Variants in MGMT observed in about 807,000 individuals in gnomAD.
MGMT encodes O-6-methylguanine-DNA methyltransferase.
Under a neutral mutation model 15.9 loss-of-function variants are expected in MGMT, and 14 were observed. The ratio of observed to expected loss-of-function variants is 0.88; its 90% CI spans 0.58 to 1.37. The LOEUF is 1.37. Ranked by LOEUF, MGMT falls within the 40% of genes most tolerant of loss-of-function variation. The pLI is 0.00. For synonymous variants in MGMT, 130 were observed against 118.2 expected, an observed-to-expected ratio of 1.10 and a Z score of -0.65; for missense variants, 282 against 268.1, an observed-to-expected ratio of 1.05 and a Z score of -0.36.
At chr10:129,703,533 C>G (rs56703489) in intron 2 of MGMT, among the ~76,000 whole-genome samples, 9,433 of 152,224 alleles carry the variant, frequency 0.062, 773 homozygotes, top group African/African-American at 0.19. Context: ...GATGGCCAGC[C>G]AGACCCCGCT....
intron 1 of MGMT, among the ~76,000 whole-genome samples, chr10:129,522,167 G>A (rs1019912931): frequency 7.2e-5 from 11 of 152,220 alleles, no homozygotes; most frequent in Non-Finnish European, 7.3e-5. Flanking sequence ...GGAGGTCACC[G>A]GAAATAGCTC....
chr10:129,616,284 C>T (rs1002145933), intron 2 of MGMT, among the ~76,000 whole-genome samples: 1 of 152,224 alleles, frequency 6.6e-6, no homozygotes, highest in Non-Finnish European at 1.5e-5. Flanking sequence ...CTCAGGGGAG[C>T]TGCGATGCTC....
intron 2 of MGMT, among the ~76,000 whole-genome samples, chr10:129,569,373 G>A (rs914126663): frequency 2.0e-5 from 3 of 152,178 alleles, no homozygotes; most frequent in African/African-American, 7.2e-5. Context: ...TGGCTCAGGC[G>A]AATCCAGCAC....
chr10:129,507,355 C>T (rs12249421), intron 1 of MGMT, among the ~76,000 whole-genome samples: 3 of 152,080 alleles, frequency 2.0e-5, no homozygotes, highest in Non-Finnish European at 2.9e-5. Context: ...CTGGAGACAT[C>T]GCAGTGGTCT....
chr10:129,677,742 C>G (rs537143702), intron 2 of MGMT, among the ~76,000 whole-genome samples: 7 of 152,296 alleles, frequency 4.6e-5, no homozygotes, highest in South Asian at 2.1e-4. Flanking sequence ...GACTGCCCCC[C>G]ACAAAGCCCT....
chr10:129,747,359 T>C (rs564883731), intron 3 of MGMT, among the ~76,000 whole-genome samples: 9 of 152,222 alleles, frequency 5.9e-5, no homozygotes, highest in Non-Finnish European at 1.2e-4. Context: ...TTGAGGATGT[T>C]ACCTTCTGTT....
Position 129,658,808 on chromosome 10 carries a change from T to C in MGMT, c.126-49087T>C, listed in dbSNP as rs535582825. ...ACATCCTGAAGCCTAGATGGCCCCT[T>C]CCTCAGTGTCCTTAACTGCTGTTCT... On this transcript the variant is annotated intron_variant, in intron 2 of 4. Coordinates refer to ENST00000651593, the MANE Select transcript of MGMT (RefSeq NM_002412.5). Among the ~76,000 whole-genome samples the C allele has an allele frequency of 2.0e-4, 30 of 152,348 alleles. 1 individual carries two copies. Among genetic ancestry groups the C allele is most frequent in the African/African-American group, 7.2e-4 (30 of 41,586 alleles).
At chr10:129,682,618 AAAAT>A (rs1252168897) in intron 2 of MGMT, among the ~76,000 whole-genome samples, 1 of 152,174 alleles carries the variant, frequency 6.6e-6, no homozygotes, top group Non-Finnish European at 1.5e-5. Context: ...AAGTCCATTA[AAAAT>A]AAAAATACAT....
intron 1 of MGMT, 175 bp downstream of exon 1, chr10:129,467,471 C>T (rs1845181639): frequency 1.0e-6 from 1 of 970,408 alleles, no homozygotes; most frequent in Non-Finnish European, 1.2e-6. Context: ...CAGGTGTTGC[C>T]CAGCCTTTCC....
intron 3 of MGMT, among the ~76,000 whole-genome samples, chr10:129,756,877 T>A (rs11593181): frequency 0.11 from 16,228 of 152,240 alleles, 966 homozygotes; most frequent in Middle Eastern, 0.17. Context: ...ATTTTCCACA[T>A]GAGTTAATGT....
intron 4 of MGMT, among the ~76,000 whole-genome samples, chr10:129,764,913 A>G (rs1473075122): frequency 6.6e-6 from 1 of 152,114 alleles, no homozygotes; most frequent in Non-Finnish European, 1.5e-5. Flanking sequence ...GCTGCCCTCC[A>G]GCTCAGGAGG....
chr10:129,510,806 A>T (rs1845673545), intron 1 of MGMT, among the ~76,000 whole-genome samples: 1 of 151,720 alleles, frequency 6.6e-6, no homozygotes, highest in South Asian at 2.1e-4. Context: ...GCTTCCTGTG[A>T]TGGGAACCCG....
At chr10:129,588,936 G>A (rs1230207755) in intron 2 of MGMT, among the ~76,000 whole-genome samples, 1 of 152,262 alleles carries the variant, frequency 6.6e-6, no homozygotes, top group Admixed American at 6.5e-5. Context: ...CCCCTCAGGG[G>A]GAGGGAAGCT....
chr10:129,650,264 C>T (rs78221334), intron 2 of MGMT, among the ~76,000 whole-genome samples: 7,123 of 152,062 alleles, frequency 0.047, 195 homozygotes, highest in Middle Eastern at 0.082. Flanking sequence ...TTTGCACGTT[C>T]GTAATTGTGA....
intron 2 of MGMT, among the ~76,000 whole-genome samples, chr10:129,665,055 T>TA (rs1847641367): frequency 6.6e-6 from 1 of 152,024 alleles, no homozygotes; most frequent in Non-Finnish European, 1.5e-5. Context: ...AACATACACT[T>TA]ACCATATGGC....
chr10:129,519,965 T>C (rs2119720605), intron 1 of MGMT, among the ~76,000 whole-genome samples: 1 of 152,198 alleles, frequency 6.6e-6, no homozygotes, highest in East Asian at 1.9e-4. Context: ...AGCCAGAAGT[T>C]TGAGTTCAGC....
In MGMT at chr10:129,539,706, C is replaced by T. The variant is rs142203639; in HGVS notation, c.125+3329C>T. On this transcript the variant is annotated intron_variant, in intron 2 of 4. Coordinates refer to ENST00000651593, the MANE Select transcript of MGMT (RefSeq NM_002412.5). ...TATATTTAGTAGAGACAGGGTTTCA[C>T]TGTGTTAGCCAGGATGGTCTCCATC... is the stretch of plus-strand genomic sequence containing the variant. Among the ~76,000 whole-genome samples, 916 of 152,236 alleles carry T rather than the reference C, an allele frequency of 6.0e-3. 5 individuals carry two copies. Among genetic ancestry groups the T allele is most frequent in the Non-Finnish European group, 9.1e-3 (621 of 68,014 alleles).
intron 2 of MGMT, among the ~76,000 whole-genome samples, chr10:129,546,037 A>G (rs923510579): frequency 2.6e-5 from 4 of 152,390 alleles, no homozygotes; most frequent in Middle Eastern, 6.8e-3. Flanking sequence ...CAGTTGCTGT[A>G]CAAGTGACGG....
intron 2 of MGMT, among the ~76,000 whole-genome samples, chr10:129,616,959 C>T (rs1201929489): frequency 6.6e-6 from 1 of 152,166 alleles, no homozygotes; most frequent in Non-Finnish European, 1.5e-5. Context: ...GTCAACCATG[C>T]TCTTTTATTA....
Sources: gnomAD v4.1 joint callset for allele counts (sites outside exome capture counted in the v4.1 genomes callset) on GRCh38, gnomAD v4.1.1 for gene constraint, MANE v1.5 for transcripts, NCBI Gene and HGNC (gene_info 2026-07-23, HGNC 2026-07-21) for gene names.